The following ERI1 variants were observed in gnomAD, a reference collection of about 807,000 sequenced individuals.
ERI1 encodes 3'-5' exoribonuclease 1.
A neutral mutation model predicts 39.7 loss-of-function variants in ERI1; 39 were observed. The observed-to-expected ratio is 0.98, with a 90% CI of 0.76 to 1.28. ERI1 has a LOEUF of 1.28. Ranked by LOEUF, ERI1 falls within the 50% of genes most tolerant of loss-of-function variation. The probability of loss-of-function intolerance (pLI) is 0.00; values close to 1 mark genes in which losing one functional copy is unlikely to be tolerated. For missense variants in ERI1, 581 were observed against 416.9 expected (o/e 1.39, Z -3.43); for synonymous variants, 204 against 149.6 (o/e 1.36, Z -2.65).
chr8:9,073,705 ATTC>A (rs1373209948), intron 3 of ERI1, among the ~76,000 whole-genome samples: 1 of 152,204 alleles, frequency 6.6e-6, no homozygotes, highest in Non-Finnish European at 1.5e-5. Context: ...AAATAATTAT[ATTC>A]TTCTGATATT....
At chr8:9,059,106 A>G in intron 3 of ERI1, among the ~76,000 whole-genome samples, 1 of 152,132 alleles carries the variant, frequency 6.6e-6, no homozygotes. Context: ...AGTGGGGGTC[A>G]TAAGGTGCTC....
rs375183360 is a variant in ERI1, at chr8:9,031,081, G to A, written c.*1047G>A. ...GATAAGGTAAAACTCTTATCTAGAG[G>A]CTAAACCCATGTATTTTCAGAATTG... On this transcript the variant is annotated 3_prime_UTR_variant, in exon 7 of 7. Transcript: ENST00000250263. 1 of 152,096 alleles carries A rather than the reference G, an allele frequency of 6.6e-6. No homozygotes were observed. The highest frequency in any genetic ancestry group is 1.9e-4 in the East Asian group (1 of 5,204). The allele number at this position is 152,096 out of a possible 1,614,324, so 9.4% of individuals were successfully genotyped here.
At chr8:9,022,549 A>C (rs1818024969) in intron 6 of ERI1, among the ~76,000 whole-genome samples, 1 of 151,936 alleles carries the variant, frequency 6.6e-6, no homozygotes, top group Admixed American at 6.6e-5. Flanking sequence ...ACGGGCGCCC[A>C]CAACCACAAC....
intron 3 of ERI1, among the ~76,000 whole-genome samples, chr8:9,065,273 T>C (rs1410353090): frequency 2.0e-5 from 3 of 152,158 alleles, no homozygotes; most frequent in Non-Finnish European, 4.4e-5. Context: ...TTTAGTTGTT[T>C]TTGCTTCTTT....
intron 3 of ERI1, among the ~76,000 whole-genome samples, chr8:9,092,296 G>C (rs888383361): frequency 6.6e-6 from 1 of 152,128 alleles, no homozygotes; most frequent in Non-Finnish European, 1.5e-5. Flanking sequence ...ACAGTGTGAA[G>C]GATCTTAAGT....
chr8:9,092,493 G>A (rs1436188348), intron 3 of ERI1, among the ~76,000 whole-genome samples: 1 of 152,194 alleles, frequency 6.6e-6, no homozygotes, highest in Non-Finnish European at 1.5e-5. Flanking sequence ...AAGATGTCAG[G>A]AAATAAGATT....
chr8:9,031,184 T>G lies in ERI1; in HGVS notation c.*1150T>G, dbSNP rs987360904. 2.0e-5 allele frequency: 3 copies of G among 152,202 alleles called. No individual in the cohort carries two copies. The highest frequency in any genetic ancestry group is 4.4e-5 in the Non-Finnish European group (3 of 68,032). 9.4% of individuals were successfully genotyped at this position (152,202 alleles called of 1,614,324 possible). ...CCTGCCTTTTACCTTTTAATAAAAA[T>G]TGTGATGCTACTTTATTCTAAAGAT... is the stretch of plus-strand genomic sequence containing the variant. On this transcript the variant is annotated 3_prime_UTR_variant, in exon 7 of 7. Transcript: ENST00000250263.
At position 9,008,106 on chromosome 8, in the gene ERI1, A is replaced by G; in HGVS notation, c.245A>G (p.Glu82Gly). 6.2e-7 allele frequency: 1 copy of G among 1,609,440 alleles called. No individual in the cohort carries two copies. Among genetic ancestry groups the G allele is most frequent in the Non-Finnish European group, 8.5e-7 (1 of 1,178,406 alleles). Residue 82 changes from glutamate to glycine, a missense_variant, in exon 2 of 7, where the codon GAA becomes GGA. Physicochemically the swap from Glu to Gly is moderately conservative, Grantham distance 98. Transcript: ENST00000250263. ...GGCTGTATTAATAGAATGAGTAAGG[A>G]AGAACTCAGAGCTAAGCTTTCAGAA... Reference protein sequence around the residue: ...TNGCINRMSKEELRAKLSEFK... With the variant: ...TNGCINRMSKGELRAKLSEFK...
chr8:9,010,059 A>G (rs556727173), intron 2 of ERI1, among the ~76,000 whole-genome samples: 245 of 152,358 alleles, frequency 1.6e-3, no homozygotes, highest in Non-Finnish European at 2.6e-3. Context: ...TGTTGTGGTA[A>G]TGGAGGCATT....
At position 9,030,848 on chromosome 8, in the gene ERI1, A is replaced by G. The variant is rs1305854281; in HGVS notation, c.*814A>G. The G allele has an allele frequency of 6.6e-6, 1 of 152,094 alleles. No individual in the cohort carries two copies. Among genetic ancestry groups the G allele is most frequent in the African/African-American group, 2.4e-5 (1 of 41,406 alleles). 9.4% of individuals were successfully genotyped at this position (152,094 alleles called of 1,614,324 possible). ...ACTGAAAATTAAGGGTCACCACCTA[A>G]TTTTACTTTGTATTCAGTATCGTAA... is the stretch of plus-strand genomic sequence containing the variant. On this transcript the variant is annotated 3_prime_UTR_variant, in exon 7 of 7. Coordinates refer to ENST00000250263, the MANE Select transcript of ERI1 (RefSeq NM_153332.4).
chr8:9,067,653 T>TA (rs573247378), intron 3 of ERI1, among the ~76,000 whole-genome samples: 51,569 of 120,994 alleles, frequency 0.43, 11,881 homozygotes, highest in Admixed American at 0.57. Context: ...AGAACCTTTC[T>TA]AAAAAAAAAA....
At position 9,020,463 on chromosome 8, in the gene ERI1, A is replaced by G. The variant is rs761024369; in HGVS notation, c.806A>G (p.Lys269Arg). ...CGGAAGTCATATGGAAATTTTTACAAGGTAAAATTTCTATATTTAATAATT... is the reference window on the plus strand; with the variant it reads ...CGGAAGTCATATGGAAATTTTTACAGGGTAAAATTTCTATATTTAATAATT... ...NIRKSYGNFY[K>R]VPRSQTKLTI... Residue 269 changes from lysine (K) to arginine (R), a missense_variant and splice_region_variant, in exon 6 of 7, where the codon AAG becomes AGG. Transcript: ENST00000250263. The G allele has an allele frequency of 1.5e-5, 24 of 1,565,898 alleles. No individual in the cohort carries two copies. The highest frequency in any genetic ancestry group is 1.2e-4 in the South Asian group (10 of 85,282).
chr8:9,025,203 C>T (rs1014151168), intron 6 of ERI1, among the ~76,000 whole-genome samples: 1 of 152,186 alleles, frequency 6.6e-6, no homozygotes, highest in Non-Finnish European at 1.5e-5. Context: ...ATTTAATTAT[C>T]TCCTACAGTT....
chr8:9,021,143 A>G lies in ERI1; in HGVS notation c.807+679A>G, dbSNP rs1054466899. ...ACTCAGTGTTCATACTCCCGTGACT[A>G]TGGAGAGTGTCCACAACTTTCCCCT... On this transcript the variant is annotated intron_variant, in intron 6 of 6. Transcript: ENST00000250263. Among the ~76,000 whole-genome samples the G allele has an allele frequency of 2.6e-5, 4 of 152,118 alleles. No homozygotes were observed. In the South Asian group the frequency reaches 8.3e-4, roughly 31 times the overall value.
At chr8:9,024,721 A>T (rs1230341400) in intron 6 of ERI1, among the ~76,000 whole-genome samples, 1 of 152,184 alleles carries the variant, frequency 6.6e-6, no homozygotes, top group African/African-American at 2.4e-5. Flanking sequence ...CACCAGGCCC[A>T]GCCTCTTTAT....
chr8:9,071,059 T>A (rs1250880936), intron 3 of ERI1, among the ~76,000 whole-genome samples: 2 of 152,198 alleles, frequency 1.3e-5, no homozygotes, highest in Non-Finnish European at 2.9e-5. Context: ...TGATTTCCAG[T>A]TTCCCAAAGC....
chr8:9,030,141 T>C lies in ERI1; in HGVS notation c.*107T>C. 8 of 1,391,072 alleles carry C rather than the reference T, an allele frequency of 5.8e-6. No individual in the cohort carries two copies. The highest frequency in any genetic ancestry group is 7.8e-6 in the Non-Finnish European group (8 of 1,021,414). The allele number at this position is 1,391,072 out of a possible 1,614,324, so 86.2% of individuals were successfully genotyped here. ...TGCAAACTTTAAGCACCTTAAAACA[T>C]TTAAAATCTTATTACAGGTGATAGA... On this transcript the variant is annotated 3_prime_UTR_variant, in exon 7 of 7. Transcript: ENST00000250263.
chr8:9,025,863 C>G (rs1818422170), intron 6 of ERI1, among the ~76,000 whole-genome samples: 1 of 151,834 alleles, frequency 6.6e-6, no homozygotes, highest in Non-Finnish European at 1.5e-5. Flanking sequence ...GAGATAGGAC[C>G]CAACTCTAAA....
intron 3 of ERI1, among the ~76,000 whole-genome samples, chr8:9,067,068 C>G (rs1000480167): frequency 2.0e-5 from 3 of 152,156 alleles, no homozygotes; most frequent in Non-Finnish European, 2.9e-5. Flanking sequence ...AGAAATCATT[C>G]TCATTGCCCT....
Sources: allele counts gnomAD v4.1 joint callset (sites outside exome capture counted in the v4.1 genomes callset), GRCh38; gene constraint gnomAD v4.1.1; transcripts MANE v1.5; gene names NCBI Gene and HGNC (gene_info 2026-07-23, HGNC 2026-07-21).